Variants in SGF29 observed in about 807,000 individuals in gnomAD.
SGF29 encodes SAGA complex associated factor 29.
A neutral mutation model predicts 38.1 loss-of-function variants in SGF29; 15 were observed. That is an observed-to-expected ratio of 0.39 (90% CI 0.26 to 0.61). SGF29 has a LOEUF of 0.61. Among genes scored for constraint, SGF29 ranks in the 20% least tolerant of loss-of-function variants. The probability of loss-of-function intolerance (pLI) is 0.49; values close to 1 mark genes in which losing one functional copy is unlikely to be tolerated. For missense variants in SGF29, 184 were observed against 394.6 expected (o/e 0.47, Z 4.52); for synonymous variants, 151 against 160.8 (o/e 0.94, Z 0.46).
intron 1 of SGF29, among the ~76,000 whole-genome samples, chr16:28,568,602 G>C (rs1021932360): frequency 5.3e-5 from 8 of 150,870 alleles, no homozygotes; most frequent in Non-Finnish European, 7.4e-5. Context: ...TGGTTGGGGG[G>C]GGCTCACATT....
intron 1 of SGF29, among the ~76,000 whole-genome samples, chr16:28,560,976 A>AG (rs1491477792): frequency 6.9e-6 from 1 of 145,838 alleles, no homozygotes; most frequent in Non-Finnish European, 1.5e-5. Flanking sequence ...AAAAAAAAAA[A>AG]GGCAATCAAC....
intron 2 of SGF29, 77 bp from the exon 3 acceptor site, chr16:28,584,836 G>A (rs2046947120): frequency 1.0e-6 from 1 of 978,954 alleles, no homozygotes; most frequent in Non-Finnish European, 1.6e-6. Flanking sequence ...TTGGGGATGG[G>A]GACTCTGGCC....
chr16:28,569,639 G>A (rs187931568), intron 1 of SGF29, among the ~76,000 whole-genome samples: 4 of 152,146 alleles, frequency 2.6e-5, no homozygotes, highest in African/African-American at 4.8e-5. Context: ...GTGACAGAGC[G>A]AGAGCCTGTC....
chr16:28,555,398 C>T (rs2046743803), intron 1 of SGF29, among the ~76,000 whole-genome samples: 1 of 152,126 alleles, frequency 6.6e-6, no homozygotes, highest in African/African-American at 2.4e-5. Context: ...ATCACTTAAA[C>T]CCAGGAGGTG....
Position 28,574,376 on chromosome 16 carries a change from G to C in SGF29, c.-15-6679G>C, listed in dbSNP as rs530055685. Among the ~76,000 whole-genome samples the C allele has an allele frequency of 3.3e-4, 51 of 152,340 alleles. 1 individual carries two copies. Among genetic ancestry groups the C allele is most frequent in the African/African-American group, 1.2e-3 (49 of 41,592 alleles). ...GCACATACACAGTGTGTAGGAAGTT[G>C]TACGGATGCCCATCTGAGGCTTTCT... On this transcript the variant is annotated intron_variant, in intron 1 of 9. Transcript: ENST00000317058.
chr16:28,586,748 C>G (rs970048478), intron 4 of SGF29, among the ~76,000 whole-genome samples: 1 of 152,154 alleles, frequency 6.6e-6, no homozygotes, highest in African/African-American at 2.4e-5. Context: ...GAAGAGGTGT[C>G]TCTGGTGGGT....
Position 28,590,560 on chromosome 16 carries a change from C to T in SGF29, c.567-71C>T, listed in dbSNP as rs2046983069. 6.2e-7 allele frequency: 1 copy of T among 1,611,888 alleles called. No individual in the cohort carries two copies. Among genetic ancestry groups the T allele is most frequent in the Non-Finnish European group, 8.5e-7 (1 of 1,179,198 alleles). ...GGTTGTGCAGGGAGCACCAGGTCCT[C>T]CCCCATCCTCACTCCCCAACAGGTA... On this transcript the variant is annotated intron_variant, in intron 7 of 9. Coordinates refer to ENST00000317058, the MANE Select transcript of SGF29 (RefSeq NM_138414.3). This position sits in a 1 kb window ranked among gnomAD's most constrained non-coding sequence, Gnocchi z 8.2.
chr16:28,565,708 C>T (rs1371882513), intron 1 of SGF29, among the ~76,000 whole-genome samples: 1 of 151,570 alleles, frequency 6.6e-6, no homozygotes, highest in Non-Finnish European at 1.5e-5. Flanking sequence ...ATGTTGGTCT[C>T]AAACTCCTGA....
intron 1 of SGF29, among the ~76,000 whole-genome samples, chr16:28,562,903 CAAAAAAAAAAA>C (rs753973229): frequency 9.0e-4 from 46 of 50,904 alleles, no homozygotes; most frequent in Non-Finnish European, 1.3e-3. Context: ...GACCCTGTCT[CAAAAAAAAAAA>C]AAAAAAAAAA....
intron 2 of SGF29, among the ~76,000 whole-genome samples, chr16:28,583,412 T>C (rs1187644372): frequency 1.3e-5 from 2 of 152,162 alleles, no homozygotes; most frequent in East Asian, 3.8e-4. Flanking sequence ...CATTCCCATT[T>C]ATATAGGGTG....
chr16:28,583,249 T>C (rs577184633), intron 2 of SGF29, among the ~76,000 whole-genome samples: 1 of 152,378 alleles, frequency 6.6e-6, no homozygotes, highest in African/African-American at 2.4e-5. Flanking sequence ...TTTGTTCTGT[T>C]AACTCGGCTA....
At chr16:28,571,800 G>A (rs2046866538) in intron 1 of SGF29, among the ~76,000 whole-genome samples, 1 of 151,912 alleles carries the variant, frequency 6.6e-6, no homozygotes, top group African/African-American at 2.4e-5. Flanking sequence ...GAAGGAGAGA[G>A]CTGGGGTGTG....
chr16:28,583,005 A>G (rs537771263), intron 2 of SGF29, among the ~76,000 whole-genome samples: 146 of 152,342 alleles, frequency 9.6e-4, no homozygotes, highest in Non-Finnish European at 1.7e-3. Flanking sequence ...CACAGTTAGA[A>G]CAGTTTATCA....
chr16:28,590,790 G>A lies in SGF29; in HGVS notation c.620G>A (p.Arg207Gln), dbSNP rs112263572. The A allele has an allele frequency of 6.2e-7, 1 of 1,613,964 alleles. No homozygotes were observed. The part of the protein sequence containing the change: ...EEGKERHTLS[R>Q]RRVIPLPQWK... ...TCCCCCAGGAGACACACCCTGAGCC[G>A]GCGCCGTGTCATCCCGCTGCCCCAG... The change falls in exon 9 of 10, where the codon CGG becomes CAG. Residue 207 changes from arginine to glutamine, a missense_variant. Arg to Gln is a conservative substitution (Grantham distance 43). Transcript: ENST00000317058. The surrounding 1 kb of genome is among the most constrained non-coding windows in gnomAD (Gnocchi z 8.2).
intron 1 of SGF29, among the ~76,000 whole-genome samples, chr16:28,561,070 A>T (rs959613400): frequency 1.6e-4 from 24 of 152,234 alleles, no homozygotes; most frequent in Admixed American, 7.2e-4. Context: ...GTTAAAATAA[A>T]TTTTTTTAAA....
At position 28,589,041 on chromosome 16, in the gene SGF29, G is replaced by C; in HGVS notation, c.225-59G>C. 4 of 1,585,490 alleles carry C rather than the reference G, an allele frequency of 2.5e-6. No individual in the cohort carries two copies. In the Admixed American group the frequency reaches 6.7e-5, roughly 27 times the overall value. ...TTGACCCAAAACAGAAAAAATGGAA[G>C]AGAAGTCTATGCTATGTACGTTAAC... On this transcript the variant is annotated intron_variant, in intron 4 of 9. Transcript: ENST00000317058.
Position 28,564,664 on chromosome 16 carries a change from T to C in SGF29, c.-16+10567T>C, listed in dbSNP as rs544687075. ...ATATGTGTATATATACGTATATATA[T>C]GCATATATATGTATATATATGTGTA... On this transcript the variant is annotated intron_variant, in intron 1 of 9. Coordinates refer to ENST00000317058, the MANE Select transcript of SGF29 (RefSeq NM_138414.3). Among the ~76,000 whole-genome samples the C allele has an allele frequency of 4.8e-4, 40 of 84,042 alleles. 1 individual carries two copies. Among genetic ancestry groups the C allele is most frequent in the Middle Eastern group, 0.01 (2 of 194 alleles). 55.1% of individuals were successfully genotyped at this position (84,042 alleles called of 152,430 possible).
chr16:28,559,255 G>T (rs1475455664), intron 1 of SGF29, among the ~76,000 whole-genome samples: 4 of 152,204 alleles, frequency 2.6e-5, no homozygotes, highest in Non-Finnish European at 5.9e-5. Flanking sequence ...AAGAAGTCAA[G>T]GCTGCAGTGA....
intron 1 of SGF29, among the ~76,000 whole-genome samples, chr16:28,577,109 A>C (rs949725359): frequency 6.6e-6 from 1 of 152,164 alleles, no homozygotes. Flanking sequence ...CGGAGGTTGC[A>C]GTGAGCCAAC....
Sources: allele counts gnomAD v4.1 joint callset (sites outside exome capture counted in the v4.1 genomes callset), GRCh38; gene constraint gnomAD v4.1.1; non-coding constraint Gnocchi (gnomAD v3.1); transcripts MANE v1.5; gene names NCBI Gene and HGNC (gene_info 2026-07-23, HGNC 2026-07-21).